The following RGS20 variants were observed in gnomAD, a reference collection of about 807,000 sequenced individuals.
RGS20 encodes the protein regulator of G protein signaling 20.
RGS20 carries 30 observed loss-of-function variants against 33.6 expected under a neutral mutation model. The ratio of observed to expected loss-of-function variants is 0.89; its 90% CI spans 0.67 to 1.21. RGS20 has a LOEUF of 1.21. RGS20 is among the 50% of genes most tolerant of loss of function. RGS20 has a pLI of 0.00. For missense variants in RGS20, 472 were observed against 502.4 expected (o/e 0.94, Z 0.58); for synonymous variants, 208 against 197.9 (o/e 1.05, Z -0.43).
intron 2 of RGS20, among the ~76,000 whole-genome samples, chr8:53,884,351 G>A (rs1037340847): frequency 2.6e-5 from 4 of 151,880 alleles, no homozygotes; most frequent in Non-Finnish European, 5.9e-5. Context: ...GCCTGCCACC[G>A]CACCTGGCTA....
At chr8:53,865,181 TGC>T (rs1811892647) in intron 1 of RGS20, among the ~76,000 whole-genome samples, 1 of 152,356 alleles carries the variant, frequency 6.6e-6, no homozygotes, top group South Asian at 2.1e-4. Context: ...TCCCTGTTCT[TGC>T]CGTCTTGTTT....
At chr8:53,855,747 G>A (rs1811656867) in intron 1 of RGS20, among the ~76,000 whole-genome samples, 1 of 152,140 alleles carries the variant, frequency 6.6e-6, no homozygotes, top group Admixed American at 6.5e-5. Flanking sequence ...TATGACTATA[G>A]CATTATTTCA....
intron 1 of RGS20, among the ~76,000 whole-genome samples, chr8:53,855,021 C>G (rs1811641723): frequency 6.6e-6 from 1 of 152,134 alleles, no homozygotes; most frequent in African/African-American, 2.4e-5. Context: ...AAGCCAATTC[C>G]AAAAAGTCAC....
intron 4 of RGS20, among the ~76,000 whole-genome samples, chr8:53,947,383 TTA>T (rs74502135): frequency 0.21 from 28,016 of 131,754 alleles, 3,180 homozygotes; most frequent in Non-Finnish European, 0.25. Context: ...TATAGTATAT[TTA>T]TATATGCTAT....
At chr8:53,943,702 A>G (rs1472585286) in intron 3 of RGS20, among the ~76,000 whole-genome samples, 1 of 151,766 alleles carries the variant, frequency 6.6e-6, no homozygotes, top group African/African-American at 2.4e-5. Flanking sequence ...ATAAGTTTGC[A>G]TTATTTAGTT....
intron 4 of RGS20, among the ~76,000 whole-genome samples, chr8:53,950,391 T>G (rs1352176315): frequency 6.6e-6 from 1 of 152,160 alleles, no homozygotes; most frequent in Non-Finnish European, 1.5e-5. Context: ...ATTTCAGATT[T>G]TTTCAGATTT....
At chr8:53,880,024 T>C (rs1774131487) in intron 2 of RGS20, 1 of 173,688 alleles carries the variant, frequency 5.8e-6, no homozygotes, top group Non-Finnish European at 1.2e-5. Flanking sequence ...TGACGTGATG[T>C]TATTTTTGTG....
intron 2 of RGS20, among the ~76,000 whole-genome samples, chr8:53,928,755 A>G (rs529149221): frequency 6.6e-6 from 1 of 152,184 alleles, no homozygotes; most frequent in African/African-American, 2.4e-5. Context: ...CCTGGGAGGC[A>G]GAGGTTGCGG....
At chr8:53,860,793 C>A (rs1302127806) in intron 1 of RGS20, among the ~76,000 whole-genome samples, 12 of 152,116 alleles carry the variant, frequency 7.9e-5, no homozygotes, top group Non-Finnish European at 1.8e-4. Context: ...TGGTGAAACC[C>A]CATCTCTACT....
In RGS20 at chr8:53,851,823, G is replaced by T; in HGVS notation, c.-77G>T. ...GCCAGCCCAGCATTAACCAAACAAA[G>T]AGAAGCAGAGTGGATCCTGTGCTAA... On this transcript the variant is annotated 5_prime_UTR_variant, in exon 1 of 6. Transcript: ENST00000297313. 1 of 1,464,322 alleles carries T rather than the reference G, an allele frequency of 6.8e-7. No individual in the cohort carries two copies. 90.7% of individuals were successfully genotyped at this position (1,464,322 alleles called of 1,614,324 possible).
At chr8:53,882,555 G>C (rs775501946) in intron 2 of RGS20, among the ~76,000 whole-genome samples, 81 of 150,816 alleles carry the variant, frequency 5.4e-4, no homozygotes, top group Non-Finnish European at 1.1e-3. Flanking sequence ...CGCTACAGGG[G>C]AATCTCCTCG....
intron 1 of RGS20, among the ~76,000 whole-genome samples, chr8:53,867,010 C>T (rs182482874): frequency 7.2e-4 from 110 of 152,142 alleles, no homozygotes; most frequent in African/African-American, 2.5e-3. Flanking sequence ...GGCTAGAAGC[C>T]CTAGAGACCA....
intron 1 of RGS20, among the ~76,000 whole-genome samples, chr8:53,870,790 G>A (rs150146491): frequency 3.9e-5 from 6 of 152,074 alleles, no homozygotes; most frequent in East Asian, 3.9e-4. Flanking sequence ...GCTAAGTGTC[G>A]AGATATAAAT....
intron 2 of RGS20, among the ~76,000 whole-genome samples, chr8:53,891,673 C>T (rs1812712756): frequency 6.6e-6 from 1 of 151,882 alleles, no homozygotes; most frequent in South Asian, 2.1e-4. Context: ...AATTAATTTT[C>T]TGTGTATTAC....
intron 2 of RGS20, among the ~76,000 whole-genome samples, chr8:53,926,795 C>G (rs1490556285): frequency 6.6e-6 from 1 of 151,858 alleles, no homozygotes; most frequent in Non-Finnish European, 1.5e-5. Context: ...GCCTGTAATC[C>G]CAGCTGCTCT....
At chr8:53,903,237 C>T (rs953405291) in intron 2 of RGS20, among the ~76,000 whole-genome samples, 1 of 152,070 alleles carries the variant, frequency 6.6e-6, no homozygotes, top group Non-Finnish European at 1.5e-5. Flanking sequence ...ATTTTAGGTG[C>T]CTATTGTATG....
chr8:53,950,518 G>A (rs1163865848), intron 4 of RGS20, among the ~76,000 whole-genome samples: 2 of 152,086 alleles, frequency 1.3e-5, no homozygotes, highest in East Asian at 3.8e-4. Context: ...AGATTTTGGA[G>A]CAATATGGAT....
chr8:53,922,283 G>T (rs1474307527), intron 2 of RGS20, among the ~76,000 whole-genome samples: 2 of 152,028 alleles, frequency 1.3e-5, no homozygotes, highest in African/African-American at 4.8e-5. Flanking sequence ...GTAACATTTT[G>T]TGTTTAATAG....
chr8:53,882,324 A>G (rs1812411481), intron 2 of RGS20, among the ~76,000 whole-genome samples: 1 of 152,090 alleles, frequency 6.6e-6, no homozygotes, highest in Non-Finnish European at 1.5e-5. Context: ...GCGGGCACTG[A>G]GGTGCATCGT....
Sources: gnomAD v4.1 joint callset for allele counts (sites outside exome capture counted in the v4.1 genomes callset) on GRCh38, gnomAD v4.1.1 for gene constraint, MANE v1.5 for transcripts, NCBI Gene and HGNC (gene_info 2026-07-23, HGNC 2026-07-21) for gene names.